Variants in CADM1 observed in about 807,000 individuals in gnomAD.
CADM1 encodes the protein cell adhesion molecule 1, also known as TSLC-1.
CADM1 carries 15 observed loss-of-function variants against 53.1 expected under a neutral mutation model. The ratio of observed to expected loss-of-function variants is 0.28; its 90% CI spans 0.19 to 0.44. The LOEUF (loss-of-function observed/expected upper bound fraction) is 0.44. Among genes scored for constraint, CADM1 ranks in the 20% least tolerant of loss-of-function variants. CADM1 has a pLI of 1.00. For synonymous variants in CADM1, 281 were observed against 243.0 expected, an observed-to-expected ratio of 1.16 and a Z score of -1.45; for missense variants, 434 against 611.3, an observed-to-expected ratio of 0.71 and a Z score of 3.06.
At chr11:115,433,771 G>A (rs754641221) in intron 1 of CADM1, among the ~76,000 whole-genome samples, 4 of 152,154 alleles carry the variant, frequency 2.6e-5, no homozygotes, top group Non-Finnish European at 4.4e-5. Context: ...AATTCTTTGC[G>A]AAAGAGCATT....
At chr11:115,301,096 A>C (rs935201949) in intron 1 of CADM1, among the ~76,000 whole-genome samples, 1 of 152,068 alleles carries the variant, frequency 6.6e-6, no homozygotes, top group African/African-American at 2.4e-5. Flanking sequence ...CTAAAGCAAA[A>C]TTCTGTATTG....
intron 8 of CADM1, among the ~76,000 whole-genome samples, chr11:115,200,482 A>C (rs893344880): frequency 1.3e-5 from 2 of 152,156 alleles, no homozygotes; most frequent in African/African-American, 4.8e-5. Flanking sequence ...TAGCTCTTCT[A>C]ATGTGCTTTC....
At chr11:115,222,746 A>G (rs1172107244) in intron 5 of CADM1, among the ~76,000 whole-genome samples, 1 of 152,174 alleles carries the variant, frequency 6.6e-6, no homozygotes, top group Non-Finnish European at 1.5e-5. Flanking sequence ...TGTGGGTATT[A>G]GAATTACTGT....
intron 1 of CADM1, among the ~76,000 whole-genome samples, chr11:115,278,438 T>C (rs745960593): frequency 3.3e-5 from 5 of 152,114 alleles, no homozygotes; most frequent in South Asian, 2.1e-4. Flanking sequence ...ATAAAGATCA[T>C]ATGAATATTT....
intron 3 of CADM1, among the ~76,000 whole-genome samples, chr11:115,237,131 A>C (rs942134897): frequency 6.6e-6 from 1 of 152,164 alleles, no homozygotes; most frequent in Non-Finnish European, 1.5e-5. Context: ...GAGCATTTTC[A>C]AATACTCTGA....
chr11:115,281,605 A>G (rs1943586166), intron 1 of CADM1, among the ~76,000 whole-genome samples: 1 of 152,126 alleles, frequency 6.6e-6, no homozygotes, highest in Admixed American at 6.5e-5. Flanking sequence ...AAATAATGAA[A>G]CTTGTTCTTC....
chr11:115,285,830 G>T lies in CADM1; in HGVS notation c.125-45410C>A, dbSNP rs969226430. On this transcript the variant is annotated intron_variant, in intron 1 of 11. Coordinates refer to ENST00000331581, the MANE Select transcript of CADM1 (RefSeq NM_001301043.2). ...CATCATGTGGGTCCTGTGGGGCAGA[G>T]CTTGAATCTTAGCATGAATCCCCGG... Among the ~76,000 whole-genome samples the T allele has an allele frequency of 5.3e-5, 8 of 152,252 alleles. 1 individual carries two copies. Among genetic ancestry groups the T allele is most frequent in the Admixed American group, 4.6e-4 (7 of 15,290 alleles).
intron 1 of CADM1, among the ~76,000 whole-genome samples, chr11:115,337,677 C>G (rs1333916370): frequency 1.3e-5 from 2 of 151,994 alleles, no homozygotes; most frequent in Non-Finnish European, 2.9e-5. Flanking sequence ...TTTTTGCCCT[C>G]TTTGTATTCC....
chr11:115,323,279 C>T (rs912958244), intron 1 of CADM1, among the ~76,000 whole-genome samples: 4 of 152,082 alleles, frequency 2.6e-5, no homozygotes, highest in East Asian at 1.9e-4. Flanking sequence ...GTCAACTATT[C>T]GGTAGAAATA....
intron 10 of CADM1, among the ~76,000 whole-genome samples, chr11:115,180,663 C>G (rs1170670913): frequency 6.6e-6 from 1 of 151,836 alleles, no homozygotes; most frequent in South Asian, 2.1e-4. Flanking sequence ...CGACAAAGCT[C>G]GTTGAAGGGG....
chr11:115,386,611 C>T (rs919214578), intron 1 of CADM1, among the ~76,000 whole-genome samples: 2 of 138,272 alleles, frequency 1.4e-5, no homozygotes, highest in African/African-American at 5.4e-5. Context: ...CTCTCTTCCG[C>T]TTCTTATAAA....
chr11:115,416,059 A>G (rs1181309894), intron 1 of CADM1, among the ~76,000 whole-genome samples: 5 of 152,158 alleles, frequency 3.3e-5, no homozygotes, highest in Admixed American at 3.3e-4. Context: ...ACTTCAATTC[A>G]TTATTATCTA....
rs149837547 is a variant in CADM1 at position 115,367,287 on chromosome 11, G to A, written c.125-126867C>T. 1.9e-4 allele frequency among the ~76,000 whole-genome samples: 29 copies of A among 152,222 alleles called. 1 individual carries two copies. The highest frequency in any genetic ancestry group is 1.5e-3 in the South Asian group (7 of 4,808). ...TTCTCTTTTGTATGATATCCTGAAC[G>A]TTGTTAGAGATTAAAAAACAAACAA... On this transcript the variant is annotated intron_variant, in intron 1 of 11. Transcript: ENST00000331581.
At chr11:115,288,701 T>G (rs145065095) in intron 1 of CADM1, among the ~76,000 whole-genome samples, 1 of 152,232 alleles carries the variant, frequency 6.6e-6, no homozygotes, top group Non-Finnish European at 1.5e-5. Context: ...GCACTTATCA[T>G]GCTGCCCTGT....
intron 1 of CADM1, among the ~76,000 whole-genome samples, chr11:115,497,108 C>A (rs1949635637): frequency 6.6e-6 from 1 of 152,128 alleles, no homozygotes; most frequent in African/African-American, 2.4e-5. Context: ...ATCAGAGCAC[C>A]TACCTTCCCA....
At chr11:115,475,622 G>A (rs1036328272) in intron 1 of CADM1, among the ~76,000 whole-genome samples, 4 of 152,210 alleles carry the variant, frequency 2.6e-5, no homozygotes, top group Non-Finnish European at 5.9e-5. Context: ...TAGGTACATA[G>A]AGTAACACTG....
chr11:115,281,846 C>G (rs1037062216), intron 1 of CADM1, among the ~76,000 whole-genome samples: 2 of 151,874 alleles, frequency 1.3e-5, no homozygotes, highest in Non-Finnish European at 1.5e-5. Flanking sequence ...AATCATAATA[C>G]TATATTTAAT....
At chr11:115,214,108 G>T (rs1438650686) in intron 7 of CADM1, among the ~76,000 whole-genome samples, 1 of 152,144 alleles carries the variant, frequency 6.6e-6, no homozygotes, top group Non-Finnish European at 1.5e-5. Context: ...GTAGCTACAG[G>T]TGGTTCATGT....
In CADM1 at chr11:115,258,904, A is replaced by G. The variant is rs181402828; in HGVS notation, c.125-18484T>C. ...TTTAGATGATTGTAGCTCAAAGCAT[A>G]AAGAAAAACAAATGGTAGTCATAGG... On this transcript the variant is annotated intron_variant, in intron 1 of 11. Transcript: ENST00000331581. Among the ~76,000 whole-genome samples, 14 of 152,342 alleles carry G rather than the reference A, an allele frequency of 9.2e-5. No individual in the cohort carries two copies. The East Asian group carries it at 2.7e-3, about 29-fold the overall frequency.
Sources: gnomAD v4.1 joint callset for allele counts (sites outside exome capture counted in the v4.1 genomes callset) on GRCh38, gnomAD v4.1.1 for gene constraint, MANE v1.5 for transcripts, NCBI Gene and HGNC (gene_info 2026-07-23, HGNC 2026-07-21) for gene names.